Variants in DENND1B observed in about 807,000 individuals in gnomAD.
DENND1B encodes DENN domain-containing protein 1B.
In DENND1B, 59 loss-of-function variants were observed where a neutral mutation model predicts 90.1. The observed-to-expected ratio is 0.65, with a 90% confidence interval of 0.53 to 0.81. The LOEUF is 0.81. Among genes scored for constraint, DENND1B ranks in the 40% least tolerant of loss-of-function variants. The probability of loss-of-function intolerance (pLI) is 0.00; values close to 1 mark genes in which losing one functional copy is unlikely to be tolerated. For missense variants in DENND1B, 862 were observed against 912.6 expected (o/e 0.94, Z 0.71); for synonymous variants, 337 against 324.6 (o/e 1.04, Z -0.41).
At chr1:197,629,392 C>G (rs879031800) in intron 10 of DENND1B, among the ~76,000 whole-genome samples, 4 of 151,722 alleles carry the variant, frequency 2.6e-5, no homozygotes, top group African/African-American at 9.7e-5. Context: ...ATGGATGAAA[C>G]TGGAAATCAT....
intron 2 of DENND1B, among the ~76,000 whole-genome samples, chr1:197,759,603 C>T (rs188333067): frequency 4.5e-4 from 68 of 150,838 alleles, no homozygotes; most frequent in African/African-American, 1.5e-3. Flanking sequence ...GTTAGCTGGG[C>T]ATGGTGGTGG....
chr1:197,638,683 C>A (rs1332547633), intron 10 of DENND1B, among the ~76,000 whole-genome samples: 1 of 152,244 alleles, frequency 6.6e-6, no homozygotes, highest in African/African-American at 2.4e-5. Flanking sequence ...ATGATTTATG[C>A]CTCTGCTTTG....
chr1:197,601,246 G>GAATA (rs386369251), intron 13 of DENND1B, among the ~76,000 whole-genome samples: 7 of 151,522 alleles, frequency 4.6e-5, no homozygotes, highest in Non-Finnish European at 1.0e-4. Flanking sequence ...CCTGTTGAAT[G>GAATA]AATAAATGAA....
upstream of DENND1B, among the ~76,000 whole-genome samples, chr1:197,778,181 T>C (rs978348402): frequency 1.3e-5 from 2 of 152,208 alleles, no homozygotes; most frequent in Non-Finnish European, 2.9e-5. Flanking sequence ...AATCGTACTT[T>C]TGCCTTAGAT....
intron 6 of DENND1B, among the ~76,000 whole-genome samples, chr1:197,652,953 CAA>C (rs2125938340): frequency 6.6e-6 from 1 of 151,920 alleles, no homozygotes; most frequent in Admixed American, 6.5e-5. Flanking sequence ...AATAAATATA[CAA>C]AGATTTTTAT....
chr1:197,599,618 T>C (rs1040415509), intron 13 of DENND1B, among the ~76,000 whole-genome samples: 1 of 151,812 alleles, frequency 6.6e-6, no homozygotes. Flanking sequence ...AGTTATCACA[T>C]GAATTAGATA....
intron 15 of DENND1B, among the ~76,000 whole-genome samples, chr1:197,574,550 G>C (rs370370581): frequency 1.5e-4 from 23 of 152,142 alleles, no homozygotes; most frequent in East Asian, 3.9e-4. Context: ...CCATCCCCAT[G>C]AAGCTACCAA....
chr1:197,613,058 A>G (rs947258061), intron 11 of DENND1B, among the ~76,000 whole-genome samples: 6 of 150,782 alleles, frequency 4.0e-5, no homozygotes, highest in African/African-American at 1.5e-4. Flanking sequence ...CTCTATTATG[A>G]CACTCTTTTT....
intron 5 of DENND1B, among the ~76,000 whole-genome samples, chr1:197,661,432 T>C (rs894460998): frequency 2.0e-5 from 3 of 151,970 alleles, no homozygotes; most frequent in African/African-American, 4.8e-5. Context: ...CCTGAAGAAA[T>C]TGCTATTTCC....
Position 197,688,595 on chromosome 1 carries a change from T to C in DENND1B, c.127-14426A>G, listed in dbSNP as rs563472314. Among the ~76,000 whole-genome samples the C allele has an allele frequency of 3.3e-5, 5 of 152,110 alleles. No homozygotes were observed. The East Asian group carries it at 9.7e-4, about 29-fold the overall frequency. Reference sequence around the variant, plus strand: ...AAGGATAGTCTCTTCAACAAACACTTGGGAAAACTGGATGTCTACATGTAA... The same window carrying C: ...AAGGATAGTCTCTTCAACAAACACTCGGGAAAACTGGATGTCTACATGTAA... On this transcript the variant is annotated intron_variant, in intron 3 of 22. Coordinates refer to ENST00000620048, the MANE Select transcript of DENND1B (RefSeq NM_001195215.2).
rs766754053 is a variant in DENND1B, at chr1:197,645,731, T to C, written c.520A>G (p.Ile174Val). Residue 174 changes from isoleucine (I) to valine (V), a missense_variant, in exon 9 of 23, where the codon ATT becomes GTT. By Grantham distance (29) the Ile-to-Val change is conservative. Coordinates refer to ENST00000620048, the MANE Select transcript of DENND1B (RefSeq NM_001195215.2). ...QPALVPHSYF[I>V]APDVTGLPTI... Reference sequence around the variant, plus strand: ...GGGAGTCCAGTTACATCAGGGGCAATGAAGTAGGAATGCTAATCAATACAA... The same window carrying C: ...GGGAGTCCAGTTACATCAGGGGCAACGAAGTAGGAATGCTAATCAATACAA... 1.3e-6 allele frequency: 2 copies of C among 1,572,196 alleles called. No individual in the cohort carries two copies. Among genetic ancestry groups the C allele is most frequent in the Non-Finnish European group, 1.7e-6 (2 of 1,159,290 alleles).
At chr1:197,650,766 T>C (rs1376761484) in intron 7 of DENND1B, among the ~76,000 whole-genome samples, 4 of 152,152 alleles carry the variant, frequency 2.6e-5, no homozygotes, top group Non-Finnish European at 4.4e-5. Flanking sequence ...GCCTCAGGAA[T>C]GGAAAAATCA....
upstream of DENND1B, among the ~76,000 whole-genome samples, chr1:197,778,681 A>C (rs998077081): frequency 2.0e-5 from 3 of 152,142 alleles, no homozygotes; most frequent in Non-Finnish European, 2.9e-5. Context: ...TGTCTAAAAA[A>C]AATTAAAAAA....
intron 2 of DENND1B, among the ~76,000 whole-genome samples, chr1:197,741,152 G>C (rs1663175792): frequency 1.3e-5 from 2 of 152,176 alleles, no homozygotes; most frequent in African/African-American, 4.8e-5. Context: ...TGTTGATAAA[G>C]CTTGCTTCCT....
chr1:197,764,884 T>C (rs551888360), intron 2 of DENND1B, among the ~76,000 whole-genome samples: 4 of 152,280 alleles, frequency 2.6e-5, no homozygotes, highest in East Asian at 3.9e-4. Context: ...GTAATCTTAG[T>C]GGAGCAGGCC....
At chr1:197,558,438 C>T (rs1249111461) in intron 15 of DENND1B, among the ~76,000 whole-genome samples, 1 of 151,760 alleles carries the variant, frequency 6.6e-6, no homozygotes, top group African/African-American at 2.4e-5. Context: ...ATCTTTATGA[C>T]ATGATCTTTT....
intron 1 of DENND1B, 79 bp from the exon 2 acceptor site, chr1:197,773,011 C>CAAGATTAGTTTTAGAAT: frequency 8.4e-7 from 1 of 1,196,032 alleles, no homozygotes; most frequent in Non-Finnish European, 1.2e-6. Context: ...AATTCTAAAA[C>CAAGATTAGTTTTAGAAT]TAATCTTGTT....
chr1:197,511,148 G>A (rs1229769344), intron 22 of DENND1B, among the ~76,000 whole-genome samples, 176 bp from the exon 23 acceptor site: 1 of 151,720 alleles, frequency 6.6e-6, no homozygotes, highest in Non-Finnish European at 1.5e-5. Context: ...GAAATGGAAT[G>A]GACTTTGGTT....
intron 20 of DENND1B, among the ~76,000 whole-genome samples, chr1:197,535,405 T>C (rs1375929347): frequency 2.0e-5 from 3 of 152,120 alleles, no homozygotes; most frequent in Admixed American, 2.0e-4. Flanking sequence ...CAAACTATGT[T>C]TTTTCCTAAA....
Sources: allele counts gnomAD v4.1 joint callset (sites outside exome capture counted in the v4.1 genomes callset), GRCh38; gene constraint gnomAD v4.1.1; transcripts MANE v1.5; gene names NCBI Gene and HGNC (gene_info 2026-07-23, HGNC 2026-07-21).